Variants in DMTF1 observed in about 807,000 individuals in gnomAD.
DMTF1 encodes cyclin-D-binding Myb-like transcription factor 1.
Under a neutral mutation model 91.1 loss-of-function variants are expected in DMTF1, and 39 were observed. The observed-to-expected ratio is 0.43, with a 90% CI of 0.33 to 0.56. DMTF1 has a LOEUF of 0.56. DMTF1 is among the 20% of genes least tolerant of loss of function. DMTF1 has a pLI of 0.05. For synonymous variants in DMTF1, 338 were observed against 309.5 expected, an observed-to-expected ratio of 1.09 and a Z score of -0.97; for missense variants, 750 against 914.5, an observed-to-expected ratio of 0.82 and a Z score of 2.32.
At chr7:87,172,621 C>T (rs756255431) in intron 5 of DMTF1, among the ~76,000 whole-genome samples, 8 of 107,264 alleles carry the variant, frequency 7.5e-5, no homozygotes, top group East Asian at 4.6e-4. Flanking sequence ...TACCTTCAGC[C>T]GGTGACATTG....
chr7:87,152,728 C>CCCG (rs1360779724), intron 1 of DMTF1, 173 bp downstream of exon 1: 1 of 154,100 alleles, frequency 6.5e-6, no homozygotes, highest in Admixed American at 6.5e-5. Flanking sequence ...AGCTGCCGTC[C>CCCG]CCGCACGTTC....
chr7:87,194,630 T>G, intron 16 of DMTF1, 54 bp from the exon 17 acceptor site: 1 of 1,375,828 alleles, frequency 7.3e-7, no homozygotes, highest in Non-Finnish European at 1.0e-6. Flanking sequence ...ACATGGGATT[T>G]TAAGGAAGAC....
intron 4 of DMTF1, among the ~76,000 whole-genome samples, chr7:87,169,937 A>G (rs905776322): frequency 6.6e-6 from 1 of 152,180 alleles, no homozygotes; most frequent in Non-Finnish European, 1.5e-5. Flanking sequence ...TTTAAATACT[A>G]TCTGGTGTTA....
At chr7:87,176,946 G>T (rs1334683280) in intron 7 of DMTF1, among the ~76,000 whole-genome samples, 1 of 152,118 alleles carries the variant, frequency 6.6e-6, no homozygotes, top group Admixed American at 6.5e-5. Flanking sequence ...GTGGAGGCAG[G>T]AGAATCTTTC....
intron 4 of DMTF1, 53 bp from the exon 5 acceptor site, chr7:87,170,941 AT>A (rs1794931903): frequency 2.1e-5 from 25 of 1,191,330 alleles, no homozygotes; most frequent in Non-Finnish European, 1.4e-5. Flanking sequence ...TATTTTTAGA[AT>A]AATTAGAACT....
At chr7:87,156,957 TAATGATACTGGAA>T (rs1349813106) in intron 1 of DMTF1, among the ~76,000 whole-genome samples, 1 of 152,120 alleles carries the variant, frequency 6.6e-6, no homozygotes, top group African/African-American at 2.4e-5. Flanking sequence ...TGTAAAGTAG[TAATGATACTGGAA>T]AATGCTCCTG....
At chr7:87,171,800 A>G (rs191691778) in intron 5 of DMTF1, among the ~76,000 whole-genome samples, 1 of 152,202 alleles carries the variant, frequency 6.6e-6, no homozygotes, top group East Asian at 1.9e-4. Flanking sequence ...TATGTCATAC[A>G]TAGATAGGTA....
In DMTF1 at chr7:87,193,844, A is replaced by G. The variant is rs144383678; in HGVS notation, c.1770A>G (p.Thr590=). ...ITSSISQAEL[T]VDSDIQSSDF... is the part of the protein sequence containing the mutation. Reference sequence around the variant, plus strand: ...CTTCCATATCCCAAGCAGAACTGACAGTCGATAGTGATATTCAGTCATCTG... The same window carrying G: ...CTTCCATATCCCAAGCAGAACTGACGGTCGATAGTGATATTCAGTCATCTG... The change falls in exon 16 of 18, where the codon ACA becomes ACG. Residue 590 remains threonine, a synonymous_variant. Coordinates refer to ENST00000331242, the MANE Select transcript of DMTF1 (RefSeq NM_001142327.2). 1.2e-6 allele frequency: 2 copies of G among 1,613,290 alleles called. No individual in the cohort carries two copies. The highest frequency in any genetic ancestry group is 2.7e-5 in the African/African-American group (2 of 74,838).
At chr7:87,157,213 C>G (rs1419611344) in intron 1 of DMTF1, among the ~76,000 whole-genome samples, 1 of 152,128 alleles carries the variant, frequency 6.6e-6, no homozygotes, top group Non-Finnish European at 1.5e-5. Context: ...CTTTAACTCA[C>G]CTAACAAAAT....
intron 1 of DMTF1, among the ~76,000 whole-genome samples, chr7:87,161,984 G>A (rs1057404603): frequency 1.3e-5 from 2 of 152,190 alleles, no homozygotes; most frequent in Non-Finnish European, 2.9e-5. Context: ...CAAGGAAATA[G>A]TGTAAAAATA....
chr7:87,156,002 A>G (rs753026881), intron 1 of DMTF1, among the ~76,000 whole-genome samples: 1 of 152,126 alleles, frequency 6.6e-6, no homozygotes, highest in Non-Finnish European at 1.5e-5. Flanking sequence ...GCCGGTGTAT[A>G]TTTTAGTATC....
At chr7:87,191,482 A>G (rs757055132) in intron 14 of DMTF1, among the ~76,000 whole-genome samples, 1 of 152,166 alleles carries the variant, frequency 6.6e-6, no homozygotes, top group East Asian at 1.9e-4. Context: ...GGATCCACCT[A>G]AGAGAAATGA....
chr7:87,194,928 A>G, intron 17 of DMTF1, 100 bp downstream of exon 17: 1 of 1,447,040 alleles, frequency 6.9e-7, no homozygotes, highest in Non-Finnish European at 9.5e-7. Flanking sequence ...CCAATAAGCT[A>G]CTAGTCCTGT....
At position 87,195,492 on chromosome 7, in the gene DMTF1, A is replaced by G; in HGVS notation, c.*352A>G. 1 of 195,060 alleles carries G rather than the reference A, an allele frequency of 5.1e-6. No individual in the cohort carries two copies. The highest frequency in any genetic ancestry group is 1.1e-5 in the Non-Finnish European group (1 of 94,330). 12.1% of individuals were successfully genotyped at this position (195,060 alleles called of 1,614,324 possible). On this transcript the variant is annotated 3_prime_UTR_variant, in exon 18 of 18. Transcript: ENST00000331242. ...AAAGTACAGTTTCTCTAAAGATCAGACATGGCACTGTCTCCTCTCAAGCCT... is the reference window on the plus strand; with the variant it reads ...AAAGTACAGTTTCTCTAAAGATCAGGCATGGCACTGTCTCCTCTCAAGCCT...
chr7:87,188,418 AAG>A lies in DMTF1; in HGVS notation c.1411+118_1411+119del, dbSNP rs140553490. On this transcript the variant is annotated intron_variant, in intron 13 of 17. Coordinates refer to ENST00000331242, the MANE Select transcript of DMTF1 (RefSeq NM_001142327.2). ...GAAATTTACCCAAGTCGGTGAACTG[AAG>A]GACATCTAAGATATTTTGTTTAGTT... 2.6e-3 allele frequency: 2,599 copies of A among 985,984 alleles called. 41 individuals carry two copies. The African/African-American group carries it at 0.036, about 14-fold the overall frequency. 61.1% of individuals were successfully genotyped at this position (985,984 alleles called of 1,614,324 possible).
At chr7:87,185,224 C>A (rs1272397990) in intron 11 of DMTF1, among the ~76,000 whole-genome samples, 1 of 152,116 alleles carries the variant, frequency 6.6e-6, no homozygotes, top group Non-Finnish European at 1.5e-5. Context: ...TTATTTAAGA[C>A]CCTGAAGTAA....
intron 1 of DMTF1, among the ~76,000 whole-genome samples, chr7:87,161,124 G>A (rs890245996): frequency 6.6e-6 from 1 of 151,892 alleles, no homozygotes; most frequent in Non-Finnish European, 1.5e-5. Flanking sequence ...AGTGAAACTA[G>A]GTCAGTTTCT....
chr7:87,184,742 G>A, intron 11 of DMTF1, 117 bp downstream of exon 11: 1 of 830,988 alleles, frequency 1.2e-6, no homozygotes, highest in Non-Finnish European at 2.0e-6. Flanking sequence ...CCTTTCCATA[G>A]AGCACTACTG....
intron 16 of DMTF1, 77 bp downstream of exon 16, chr7:87,194,179 G>A (rs1301146910): frequency 3.4e-5 from 49 of 1,462,160 alleles, no homozygotes; most frequent in Non-Finnish European, 4.0e-5. Context: ...ACTTTTTTCT[G>A]AAGACTCATG....
Sources: allele counts gnomAD v4.1 joint callset (sites outside exome capture counted in the v4.1 genomes callset), GRCh38; gene constraint gnomAD v4.1.1; transcripts MANE v1.5; gene names NCBI Gene and HGNC (gene_info 2026-07-23, HGNC 2026-07-21).